The following NCKAP5 variants were observed in gnomAD, a reference collection of about 807,000 sequenced individuals.
The protein encoded by NCKAP5 is NCK associated protein 5, also known as nck-associated protein 5.
Under a neutral mutation model 167.0 loss-of-function variants are expected in NCKAP5, and 92 were observed. The ratio of observed to expected loss-of-function variants is 0.55; its 90% CI spans 0.47 to 0.66. The LOEUF (loss-of-function observed/expected upper bound fraction) is 0.66, where lower values mean the gene tolerates loss of function less well. Among genes scored for constraint, NCKAP5 ranks in the 30% least tolerant of loss-of-function variants. The pLI is 0.00. For missense variants in NCKAP5, 2,378 were observed against 2,315.0 expected (o/e 1.03, Z -0.56); for synonymous variants, 891 against 877.4 (o/e 1.02, Z -0.27).
At chr2:133,268,479 C>CTTTTTTTTTTTTTTTTTTTTTTTTTTTTT in intron 4 of NCKAP5, 1 of 122,410 alleles carries the variant, frequency 8.2e-6, no homozygotes, top group Non-Finnish European at 1.7e-5. Flanking sequence ...ATTTTACAGC[C>CTTTTTTTTTTTTTTTTTTTTTTTTTTTTT]TTTTTTTTTT....
At chr2:133,380,325 A>AT (rs919244663) in intron 3 of NCKAP5, among the ~76,000 whole-genome samples, 1 of 151,872 alleles carries the variant, frequency 6.6e-6, no homozygotes, top group Admixed American at 6.6e-5. Context: ...ACAGTGAGCA[A>AT]TTTTTTTTAG....
intron 10 of NCKAP5, among the ~76,000 whole-genome samples, chr2:132,865,022 C>T (rs1690233771): frequency 6.6e-6 from 1 of 152,106 alleles, no homozygotes; most frequent in Non-Finnish European, 1.5e-5. Context: ...TGTTCCCTCC[C>T]TGAAGCCTAA....
At chr2:132,983,631 C>T (rs775075671) in intron 7 of NCKAP5, among the ~76,000 whole-genome samples, 8 of 152,156 alleles carry the variant, frequency 5.3e-5, no homozygotes, top group Non-Finnish European at 1.0e-4. Flanking sequence ...CTAGCTATTG[C>T]ATGGAGAAAA....
At chr2:133,329,443 T>C (rs931678931) in intron 3 of NCKAP5, among the ~76,000 whole-genome samples, 30 of 152,060 alleles carry the variant, frequency 2.0e-4, no homozygotes, top group African/African-American at 6.5e-4. Flanking sequence ...CCAGGTAGAA[T>C]CTACCTACCA....
chr2:133,499,905 A>G (rs1682341902), intron 3 of NCKAP5, among the ~76,000 whole-genome samples: 1 of 152,130 alleles, frequency 6.6e-6, no homozygotes, highest in African/African-American at 2.4e-5. Flanking sequence ...AAATGAATGG[A>G]TCCCAACTTG....
intron 6 of NCKAP5, among the ~76,000 whole-genome samples, chr2:133,104,293 G>T (rs1044099512): frequency 6.6e-6 from 1 of 152,166 alleles, no homozygotes; most frequent in African/African-American, 2.4e-5. Flanking sequence ...CCTAATTTTT[G>T]CCAAATGTTT....
intron 8 of NCKAP5, among the ~76,000 whole-genome samples, chr2:132,881,207 T>C (rs1039266299): frequency 1.3e-5 from 2 of 152,082 alleles, no homozygotes; most frequent in Non-Finnish European, 2.9e-5. Context: ...GGAGTATTGC[T>C]CTTGTTGCCC....
intron 16 of NCKAP5, among the ~76,000 whole-genome samples, chr2:132,741,748 T>C (rs1490053891): frequency 6.6e-6 from 1 of 152,132 alleles, no homozygotes; most frequent in Non-Finnish European, 1.5e-5. Context: ...CCCTGATCCT[T>C]AATTGCCATT....
chr2:133,102,329 A>G (rs1419165364), intron 6 of NCKAP5, among the ~76,000 whole-genome samples: 1 of 151,946 alleles, frequency 6.6e-6, no homozygotes, highest in Non-Finnish European at 1.5e-5. Context: ...TTGTATTTTT[A>G]GTAGAGACGG....
At chr2:133,097,641 A>G (rs1012963691) in intron 6 of NCKAP5, among the ~76,000 whole-genome samples, 2 of 152,324 alleles carry the variant, frequency 1.3e-5, no homozygotes, top group South Asian at 2.1e-4. Context: ...CAGTAGGGGA[A>G]CAGCCTCTTA....
At chr2:133,377,899 C>A (rs1686260566) in intron 3 of NCKAP5, among the ~76,000 whole-genome samples, 1 of 152,286 alleles carries the variant, frequency 6.6e-6, no homozygotes, top group South Asian at 2.1e-4. Context: ...AACCCCTGAT[C>A]CACACAGGGA....
chr2:133,049,028 A>T (rs1422619945), intron 6 of NCKAP5, among the ~76,000 whole-genome samples: 1 of 152,218 alleles, frequency 6.6e-6, no homozygotes, highest in African/African-American at 2.4e-5. Context: ...ACTTCCATTC[A>T]TTTATAAGAG....
At position 132,783,674 on chromosome 2, in the gene NCKAP5, G is replaced by C; in HGVS notation, c.3137C>G (p.Pro1046Arg). Reference protein sequence around the residue: ...PPKVSPKRGVPKTSPRQTLGT... With the variant: ...PPKVSPKRGVRKTSPRQTLGT... ...AAGTGTTTGGCGAGGAGAGGTTTTGGGGACACCTCTCTTCGGAGAGACCTT... is the reference window on the plus strand; with the variant it reads ...AAGTGTTTGGCGAGGAGAGGTTTTGCGGACACCTCTCTTCGGAGAGACCTT... The change falls in exon 14 of 20, where the codon CCC (proline) becomes CGC (arginine). Residue 1046 changes from proline to arginine, a missense_variant. Physicochemically the swap from Pro to Arg is moderately radical, Grantham distance 103. Coordinates refer to ENST00000409261, the MANE Select transcript of NCKAP5 (RefSeq NM_207363.3). The C allele has an allele frequency of 6.2e-7, 1 of 1,613,836 alleles. No homozygotes were observed. Among genetic ancestry groups the C allele is most frequent in the Middle Eastern group, 1.6e-4 (1 of 6,062 alleles).
intron 8 of NCKAP5, among the ~76,000 whole-genome samples, chr2:132,911,430 T>G (rs140856100): frequency 1.7e-4 from 26 of 152,384 alleles, no homozygotes; most frequent in African/African-American, 5.8e-4. Flanking sequence ...TAGTTCATCA[T>G]TGACTTTTAT....
At chr2:132,934,058 T>C (rs1696652641) in intron 8 of NCKAP5, among the ~76,000 whole-genome samples, 1 of 152,220 alleles carries the variant, frequency 6.6e-6, no homozygotes, top group Non-Finnish European at 1.5e-5. Flanking sequence ...GTATTTCAAA[T>C]ACAGCATACT....
intron 15 of NCKAP5, among the ~76,000 whole-genome samples, chr2:132,775,040 C>T (rs749338987): frequency 1.3e-5 from 2 of 152,084 alleles, no homozygotes; most frequent in South Asian, 2.1e-4. Flanking sequence ...GAGGTAATGG[C>T]GCTACATAGC....
intron 6 of NCKAP5, among the ~76,000 whole-genome samples, chr2:133,055,868 T>G (rs1026628554): frequency 1.3e-5 from 2 of 152,226 alleles, no homozygotes; most frequent in African/African-American, 2.4e-5. Context: ...CTGGCCAGGC[T>G]GCTCCTGAGC....
chr2:132,920,282 C>G (rs1164171274), intron 8 of NCKAP5, among the ~76,000 whole-genome samples: 1 of 152,130 alleles, frequency 6.6e-6, no homozygotes, highest in African/African-American at 2.4e-5. Context: ...GGGCAGGTTA[C>G]TGGTCCTCTC....
chr2:133,188,876 T>C (rs917854507), intron 5 of NCKAP5, among the ~76,000 whole-genome samples: 4 of 151,944 alleles, frequency 2.6e-5, no homozygotes, highest in African/African-American at 7.3e-5. Flanking sequence ...TTAAAAGAGC[T>C]AGAGAAGCAA....
Sources: allele counts gnomAD v4.1 joint callset (sites outside exome capture counted in the v4.1 genomes callset), GRCh38; gene constraint gnomAD v4.1.1; transcripts MANE v1.5; gene names NCBI Gene and HGNC (gene_info 2026-07-23, HGNC 2026-07-21).